XKR9: variants seen among roughly 807,000 people sequenced by gnomAD.
XKR9 encodes XK-related protein 9.
A neutral mutation model predicts 32.0 loss-of-function variants in XKR9; 32 were observed. The ratio of observed to expected loss-of-function variants is 1.00; its 90% confidence interval spans 0.76 to 1.34. XKR9 has a LOEUF of 1.34. XKR9 is among the 40% of genes most tolerant of loss of function. The pLI is 0.00. For synonymous variants in XKR9, 168 were observed against 143.4 expected, an observed-to-expected ratio of 1.17 and a Z score of -1.22; for missense variants, 546 against 429.7, an observed-to-expected ratio of 1.27 and a Z score of -2.39.
At chr8:70,900,216 A>G in the XKR9 span, among the ~76,000 whole-genome samples, 2 of 152,080 alleles carry the variant, frequency 1.3e-5, no homozygotes, top group African/African-American at 2.4e-5. Context: ...ATTCACCCAG[A>G]TCTTCCACTG....
the XKR9 span, among the ~76,000 whole-genome samples, chr8:71,004,125 T>C: frequency 1.1e-4 from 16 of 152,254 alleles, no homozygotes; most frequent in Admixed American, 9.8e-4. Context: ...GCTGGGGTCA[T>C]CCCGTGGAGG....
the XKR9 span, among the ~76,000 whole-genome samples, chr8:70,889,093 C>T: frequency 6.6e-6 from 1 of 151,408 alleles, no homozygotes; most frequent in Non-Finnish European, 1.5e-5. Context: ...TATTGGATTT[C>T]TTCTCATTTT....
the XKR9 span, among the ~76,000 whole-genome samples, chr8:70,876,698 T>A: frequency 6.6e-6 from 1 of 152,126 alleles, no homozygotes; most frequent in East Asian, 1.9e-4. Flanking sequence ...GAATACTGAT[T>A]TAGTAAAAAC....
At chr8:70,957,178 A>T in the XKR9 span, among the ~76,000 whole-genome samples, 1 of 152,098 alleles carries the variant, frequency 6.6e-6, no homozygotes, top group African/African-American at 2.4e-5. Context: ...TTTTATTTTA[A>T]TTTTTTTAGG....
intron 2 of XKR9, among the ~76,000 whole-genome samples, chr8:70,776,182 T>G (rs1490144176): frequency 1.3e-5 from 2 of 152,154 alleles, no homozygotes; most frequent in East Asian, 3.8e-4. Context: ...GCAAGTGAAG[T>G]CATCTGAGTT....
chr8:70,811,203 C>T, the XKR9 span, among the ~76,000 whole-genome samples: 59 of 152,054 alleles, frequency 3.9e-4, no homozygotes, highest in African/African-American at 1.4e-3. Context: ...GGGTACATAA[C>T]GAAATGAAGG....
chr8:70,826,381 T>G, the XKR9 span, among the ~76,000 whole-genome samples: 1 of 152,184 alleles, frequency 6.6e-6, no homozygotes, highest in African/African-American at 2.4e-5. Flanking sequence ...TCTACCAATT[T>G]GTTGTTTATT....
chr8:71,050,433 CT>C, the XKR9 span, among the ~76,000 whole-genome samples: 2 of 151,662 alleles, frequency 1.3e-5, no homozygotes, highest in East Asian at 3.9e-4. Flanking sequence ...GAAGATTATC[CT>C]GGTAATGATA....
chr8:70,726,086 G>A (rs1271664729), intron 4 of XKR9, among the ~76,000 whole-genome samples: 1 of 152,190 alleles, frequency 6.6e-6, no homozygotes, highest in Non-Finnish European at 1.5e-5. Context: ...TAGCAGTTTG[G>A]AAAGTGCCCC....
the XKR9 span, among the ~76,000 whole-genome samples, chr8:70,926,084 C>CT: frequency 1.3e-5 from 2 of 151,986 alleles, no homozygotes; most frequent in Non-Finnish European, 2.9e-5. Context: ...TTTTTCTAAA[C>CT]TTTTTTTGAG....
chr8:70,807,363 C>G, the XKR9 span, among the ~76,000 whole-genome samples: 1 of 152,084 alleles, frequency 6.6e-6, no homozygotes, highest in African/African-American at 2.4e-5. Flanking sequence ...AACAAGTGTG[C>G]AAAATAAGCA....
chr8:70,841,600 C>G, the XKR9 span, among the ~76,000 whole-genome samples: 1 of 152,160 alleles, frequency 6.6e-6, no homozygotes, highest in Non-Finnish European at 1.5e-5. Flanking sequence ...TTCTGTTAAT[C>G]TGGAATCATT....
chr8:70,973,771 T>G, the XKR9 span, among the ~76,000 whole-genome samples: 6 of 152,330 alleles, frequency 3.9e-5, no homozygotes, highest in South Asian at 1.2e-3. Flanking sequence ...TGTATAGTTT[T>G]GAAGATTCCC....
intron 3 of XKR9, among the ~76,000 whole-genome samples, chr8:70,686,649 G>T (rs922637998): frequency 1.3e-4 from 20 of 152,038 alleles, no homozygotes; most frequent in African/African-American, 4.8e-4. Flanking sequence ...TTACCATGTT[G>T]CCCAGGCTGG....
At chr8:70,871,516 A>G in the XKR9 span, among the ~76,000 whole-genome samples, 21 of 152,186 alleles carry the variant, frequency 1.4e-4, no homozygotes, top group Non-Finnish European at 2.6e-4. Context: ...GTGATCAGCA[A>G]TCAGTGATCT....
At chr8:70,819,102 G>A in the XKR9 span, among the ~76,000 whole-genome samples, 1 of 152,188 alleles carries the variant, frequency 6.6e-6, no homozygotes, top group Non-Finnish European at 1.5e-5. Flanking sequence ...AAAGAGAGCT[G>A]GTTGCACAAG....
the XKR9 span, among the ~76,000 whole-genome samples, chr8:70,893,563 A>G: frequency 6.6e-6 from 1 of 152,176 alleles, no homozygotes; most frequent in African/African-American, 2.4e-5. Flanking sequence ...TTCTGCTTCC[A>G]GACAGGTGCA....
At chr8:70,825,637 A>G in the XKR9 span, among the ~76,000 whole-genome samples, 6 of 152,070 alleles carry the variant, frequency 3.9e-5, no homozygotes, top group African/African-American at 1.2e-4. Context: ...TCATGGGACC[A>G]CCCTGAAGAG....
rs148804423 is a variant in XKR9 at position 70,766,581 on chromosome 8, C to G, written n.353-22758C>G. 4.2e-4 allele frequency among the ~76,000 whole-genome samples: 64 copies of G among 152,204 alleles called. No individual in the cohort carries two copies. In the East Asian group the frequency reaches 8.5e-3, roughly 20 times the overall value. Reference sequence around the variant, plus strand: ...ACTTCCTGTCTTCCTATTTGAATACCCTTTATTTCTTTCTCTTGCCTGATT... The same window carrying G: ...ACTTCCTGTCTTCCTATTTGAATACGCTTTATTTCTTTCTCTTGCCTGATT... On this transcript the variant is annotated intron_variant and non_coding_transcript_variant, in intron 2 of 3. Coordinates refer to the XKR9 transcript ENST00000520273.
Sources: allele counts gnomAD v4.1 joint callset (sites outside exome capture counted in the v4.1 genomes callset), GRCh38; gene constraint gnomAD v4.1.1; transcripts MANE v1.5; gene names NCBI Gene and HGNC (gene_info 2026-07-23, HGNC 2026-07-21).